MAOA: variants seen among roughly 807,000 people sequenced by gnomAD.
MAOA encodes the protein amine oxidase [flavin-containing] A.
MAOA carries 6 observed loss-of-function variants against 42.0 expected under a neutral mutation model. The observed-to-expected ratio is 0.14, with a 90% CI of 0.08 to 0.28. The LOEUF (loss-of-function observed/expected upper bound fraction) is 0.28, where lower values mean the gene tolerates loss of function less well. Among genes scored for constraint, MAOA ranks in the 10% least tolerant of loss-of-function variants. The pLI is 1.00. For synonymous variants in MAOA, 140 were observed against 154.0 expected, an observed-to-expected ratio of 0.91 and a Z score of 0.67; for missense variants, 262 against 422.3, an observed-to-expected ratio of 0.62 and a Z score of 3.33.
intron 1 of MAOA, among the ~76,000 whole-genome samples, chrX:43,668,802 A>G (rs2033304370): frequency 1.8e-5 from 2 of 112,052 alleles, no homozygotes; most frequent in African/African-American, 3.2e-5. Context: ...CAAGCTGGCC[A>G]TGCTATTTTT....
intron 1 of MAOA, among the ~76,000 whole-genome samples, chrX:43,660,968 T>G (rs1433064137): frequency 9.0e-6 from 1 of 111,638 alleles, no homozygotes; most frequent in South Asian, 3.7e-4. Flanking sequence ...CCTTCATGAG[T>G]CTGTTTGGAA....
upstream of MAOA, chrX:43,656,187 G>T: frequency 4.0e-6 from 2 of 497,570 alleles, no homozygotes; most frequent in South Asian, 2.8e-5. Flanking sequence ...TCAGCAAAAG[G>T]GTTCGCCCCG....
chrX:43,708,659 G>C (rs1413902198), intron 3 of MAOA, among the ~76,000 whole-genome samples: 2 of 100,499 alleles, frequency 2.0e-5, no homozygotes, highest in African/African-American at 8.4e-5. Flanking sequence ...TGGTCTTCTT[G>C]TTGTTTTTTT....
At chrX:43,742,334 C>T (rs995563129) in intron 12 of MAOA, among the ~76,000 whole-genome samples, 1 of 112,348 alleles carries the variant, frequency 8.9e-6, no homozygotes, top group African/African-American at 3.2e-5. Flanking sequence ...ACTTCGTGAG[C>T]TCAACTTGAC....
At chrX:43,674,361 A>C (rs376791757) in intron 1 of MAOA, among the ~76,000 whole-genome samples, 3,342 of 109,353 alleles carry the variant, frequency 0.031, 94 homozygotes, top group Non-Finnish European at 0.05. Context: ...AGATGGGTTT[A>C]CTGAATACAG....
At chrX:43,697,468 T>A (rs1229289427) in intron 3 of MAOA, among the ~76,000 whole-genome samples, 2 of 112,365 alleles carry the variant, frequency 1.8e-5, no homozygotes, top group Non-Finnish European at 3.8e-5. Flanking sequence ...AAAACAGCCA[T>A]TTAACTGTCA....
chrX:43,719,911 T>C (rs1569198731), intron 5 of MAOA, among the ~76,000 whole-genome samples: 1 of 111,067 alleles, frequency 9.0e-6, no homozygotes, highest in Non-Finnish European at 1.9e-5. Flanking sequence ...GATGGTATCT[T>C]CCAGGAATGA....
At chrX:43,680,023 CA>C (rs1429244399) in intron 1 of MAOA, among the ~76,000 whole-genome samples, 1 of 111,903 alleles carries the variant, frequency 8.9e-6, no homozygotes, top group East Asian at 2.8e-4. Flanking sequence ...ATTTAACTGT[CA>C]GGGGATGGCT....
At chrX:43,677,435 G>T (rs1192371381) in intron 1 of MAOA, among the ~76,000 whole-genome samples, 1 of 111,106 alleles carries the variant, frequency 9.0e-6, no homozygotes, top group Non-Finnish European at 1.9e-5. Flanking sequence ...AGGCTCTCTT[G>T]ATCTAATAAC....
chrX:43,734,628 G>A (rs2033907134), intron 9 of MAOA, among the ~76,000 whole-genome samples: 1 of 112,177 alleles, frequency 8.9e-6, no homozygotes, highest in African/African-American at 3.2e-5. Flanking sequence ...CACTGTGTTT[G>A]TAATAAACTT....
intron 1 of MAOA, among the ~76,000 whole-genome samples, chrX:43,661,224 G>A (rs1026962093): frequency 1.8e-5 from 2 of 111,463 alleles, no homozygotes; most frequent in African/African-American, 3.3e-5. Flanking sequence ...TGGGGATCAT[G>A]GGGAAAGAAA....
intron 5 of MAOA, among the ~76,000 whole-genome samples, chrX:43,720,072 G>A (rs138091758): frequency 0.014 from 1,555 of 110,004 alleles, 28 homozygotes; most frequent in African/African-American, 0.049. Flanking sequence ...AAGGGTAGAT[G>A]TCTTAGGGAG....
Position 43,712,931 on chromosome X carries a change from C to A in MAOA, c.503+135C>A, listed in dbSNP as rs1280917355. Reference sequence around the variant, plus strand: ...AACCTAGTAATCTTTCAGTCAATAGCAATGTTGAGGGCACCTCAAAGTAGG... The same window carrying A: ...AACCTAGTAATCTTTCAGTCAATAGAAATGTTGAGGGCACCTCAAAGTAGG... On this transcript the variant is annotated intron_variant, in intron 5 of 14. Transcript: ENST00000338702. The A allele has an allele frequency of 2.4e-5, 12 of 507,112 alleles. No homozygotes were observed. In the Admixed American group the frequency reaches 3.4e-4, roughly 14 times the overall value. The allele number at this position is 507,112 out of a possible 1,213,427, so 41.8% of individuals were successfully genotyped here.
intron 9 of MAOA, among the ~76,000 whole-genome samples, chrX:43,734,384 T>C (rs1003828603): frequency 1.8e-5 from 2 of 111,468 alleles, no homozygotes; most frequent in Non-Finnish European, 3.8e-5. Flanking sequence ...TACCATTTAT[T>C]GAGCATTGGT....
chrX:43,726,689 T>G (rs927826637), intron 5 of MAOA, among the ~76,000 whole-genome samples: 22 of 112,221 alleles, frequency 2.0e-4, no homozygotes, highest in African/African-American at 7.1e-4. Context: ...TTCATCAAAC[T>G]CATTCTCTGT....
chrX:43,678,292 G>T (rs1601930199), intron 1 of MAOA, among the ~76,000 whole-genome samples: 1 of 111,590 alleles, frequency 9.0e-6, no homozygotes, highest in Non-Finnish European at 1.9e-5. Context: ...TTAAATGATG[G>T]AAAATAAAAG....
At chrX:43,698,793 G>A (rs2033599940) in intron 3 of MAOA, among the ~76,000 whole-genome samples, 1 of 112,153 alleles carries the variant, frequency 8.9e-6, no homozygotes, top group South Asian at 3.7e-4. Context: ...TCTACAGTGA[G>A]CAGCTTTTAT....
Position 43,731,684 on chromosome X carries a change from T to C in MAOA, c.796-10T>C, listed in dbSNP as rs755014579. The C allele has an allele frequency of 2.0e-5, 24 of 1,207,529 alleles. No homozygotes were observed. Among genetic ancestry groups the C allele is most frequent in the Non-Finnish European group, 2.7e-5 (24 of 893,066 alleles). The stretch of plus-strand genomic sequence containing the variant: ...CATTTGAGGTAATATTTTGCTTGTG[T>C]GTGTTTTAGTGCAAATACGTAATTA... On this transcript the variant is annotated splice_polypyrimidine_tract_variant and intron_variant, in intron 7 of 14. Coordinates refer to ENST00000338702, the MANE Select transcript of MAOA (RefSeq NM_000240.4).
chrX:43,705,987 T>G (rs2033656488), intron 3 of MAOA, among the ~76,000 whole-genome samples: 1 of 112,236 alleles, frequency 8.9e-6, no homozygotes, highest in African/African-American at 3.2e-5. Flanking sequence ...TGGGGCGACA[T>G]TGGAAACCTC....
Sources: allele counts gnomAD v4.1 joint callset (sites outside exome capture counted in the v4.1 genomes callset), GRCh38; gene constraint gnomAD v4.1.1; transcripts MANE v1.5; gene names NCBI Gene and HGNC (gene_info 2026-07-23, HGNC 2026-07-21).